The following JAM3 variants were observed in gnomAD, a reference collection of about 807,000 sequenced individuals.
The protein encoded by JAM3 is junctional adhesion molecule C.
In JAM3, 31 loss-of-function variants were observed where a neutral mutation model predicts 39.4. That is an observed-to-expected ratio of 0.79 (90% CI 0.59 to 1.06). The LOEUF is 1.06. Among genes scored for constraint, JAM3 ranks in the 50% least tolerant of loss-of-function variants. The pLI is 0.00. For missense variants in JAM3, 455 were observed against 391.4 expected, an observed-to-expected ratio of 1.16 and a Z score of -1.37; for synonymous variants, 182 against 148.7, an observed-to-expected ratio of 1.22 and a Z score of -1.63.
chr11:134,104,330 C>T (rs1461289103), intron 1 of JAM3, among the ~76,000 whole-genome samples: 2 of 152,106 alleles, frequency 1.3e-5, no homozygotes, highest in Non-Finnish European at 2.9e-5. Flanking sequence ...ACACAACATA[C>T]CAGAATCTCT....
At chr11:134,112,049 C>T (rs1282568835) in intron 1 of JAM3, among the ~76,000 whole-genome samples, 1 of 152,212 alleles carries the variant, frequency 6.6e-6, no homozygotes, top group Non-Finnish European at 1.5e-5. Flanking sequence ...TATGTGAAAA[C>T]TGCCCATCTC....
At chr11:134,106,808 C>G (rs571217399) in intron 1 of JAM3, among the ~76,000 whole-genome samples, 1 of 152,104 alleles carries the variant, frequency 6.6e-6, no homozygotes, top group Admixed American at 6.6e-5. Flanking sequence ...GTTAGAATTG[C>G]GATCATTAAA....
At position 134,144,372 on chromosome 11, in the gene JAM3, G is replaced by A. The variant is rs781039978; in HGVS notation, c.388G>A (p.Val130Met). The A allele has an allele frequency of 1.9e-6, 3 of 1,614,234 alleles. No homozygotes were observed. The South Asian group carries it at 3.3e-5, about 18-fold the overall frequency. Residue 130 changes from valine to methionine, a missense_variant, in exon 4 of 9, where the codon GTG (valine) becomes ATG (methionine). Transcript: ENST00000299106. ...RNDRKEIDEI[V>M]IELTVQVKPV... ...TGACCGCAAGGAAATTGATGAGATT[G>A]TGATCGAGTTAACTGTGCAAGGTAG...
At chr11:134,087,089 GC>G (rs1384567811) in intron 1 of JAM3, among the ~76,000 whole-genome samples, 1 of 151,986 alleles carries the variant, frequency 6.6e-6, no homozygotes, top group African/African-American at 2.4e-5. Flanking sequence ...ACAGGTGTGA[GC>G]CACCACACCT....
intron 1 of JAM3, among the ~76,000 whole-genome samples, chr11:134,098,662 C>A (rs919774624): frequency 6.6e-6 from 1 of 152,142 alleles, no homozygotes; most frequent in East Asian, 1.9e-4. Flanking sequence ...GTACACTGAA[C>A]TCATGAATTA....
chr11:134,112,871 G>A (rs1942344484), intron 1 of JAM3, among the ~76,000 whole-genome samples: 1 of 152,130 alleles, frequency 6.6e-6, no homozygotes, highest in African/African-American at 2.4e-5. Flanking sequence ...ATGAAATAGA[G>A]CATGAAAATC....
At chr11:134,145,854 G>A (rs1943061344) in intron 5 of JAM3, 92 bp from the exon 6 acceptor site, 1 of 829,672 alleles carries the variant, frequency 1.2e-6, no homozygotes, top group Non-Finnish European at 2.1e-6. Flanking sequence ...CAAGCGAGCA[G>A]GTGTCGACCT....
At chr11:134,081,157 A>G (rs1941659430) in intron 1 of JAM3, among the ~76,000 whole-genome samples, 1 of 152,322 alleles carries the variant, frequency 6.6e-6, no homozygotes, top group East Asian at 1.9e-4. Context: ...ATTCAGTTTT[A>G]TAAGAGAAGC....
At chr11:134,111,244 C>T (rs1319428981) in intron 1 of JAM3, among the ~76,000 whole-genome samples, 4 of 148,126 alleles carry the variant, frequency 2.7e-5, no homozygotes, top group East Asian at 2.0e-4. Flanking sequence ...CCTGGGTTCA[C>T]GCCATTCTCC....
intron 1 of JAM3, among the ~76,000 whole-genome samples, chr11:134,119,488 G>C (rs1181959911): frequency 6.6e-6 from 1 of 152,204 alleles, no homozygotes; most frequent in African/African-American, 2.4e-5. Context: ...CAGAGAAACA[G>C]AACTATTAGG....
intron 1 of JAM3, among the ~76,000 whole-genome samples, chr11:134,082,790 AT>A (rs1027386889): frequency 3.3e-5 from 5 of 152,138 alleles, no homozygotes; most frequent in Admixed American, 6.6e-5. Context: ...ATTTTGGGGG[AT>A]TTATAACCCC....
At chr11:134,081,076 T>G (rs1011214090) in intron 1 of JAM3, among the ~76,000 whole-genome samples, 2 of 152,140 alleles carry the variant, frequency 1.3e-5, no homozygotes, top group African/African-American at 4.8e-5. Flanking sequence ...GAGAGGTGAT[T>G]TAGGGTATCT....
intron 1 of JAM3, among the ~76,000 whole-genome samples, chr11:134,108,962 C>A (rs1942256687): frequency 6.6e-6 from 1 of 151,604 alleles, no homozygotes; most frequent in Admixed American, 6.6e-5. Flanking sequence ...CTCTCACCAG[C>A]TCTTTTAACT....
intron 1 of JAM3, among the ~76,000 whole-genome samples, chr11:134,073,416 T>C (rs753031438): frequency 2.6e-5 from 4 of 152,240 alleles, no homozygotes; most frequent in Non-Finnish European, 4.4e-5. Context: ...ATTTGCAGTT[T>C]CCCAAGGTTT....
intron 1 of JAM3, chr11:134,123,730 T>G: frequency 1.7e-6 from 1 of 586,584 alleles, no homozygotes; most frequent in Non-Finnish European, 3.1e-6. Flanking sequence ...ATCACTACTT[T>G]GATGACACAG....
At chr11:134,143,316 C>T (rs1047825430) in intron 3 of JAM3, among the ~76,000 whole-genome samples, 1 of 152,158 alleles carries the variant, frequency 6.6e-6, no homozygotes, top group South Asian at 2.1e-4. Flanking sequence ...ATTTGATTTG[C>T]ATTTCCTGGT....
chr11:134,095,557 G>A (rs1941963676), intron 1 of JAM3, among the ~76,000 whole-genome samples: 2 of 152,010 alleles, frequency 1.3e-5, no homozygotes, highest in Non-Finnish European at 2.9e-5. Flanking sequence ...CTTGAACCTG[G>A]GAGTCGGAGG....
chr11:134,148,994 A>ACT (rs1555121842), intron 8 of JAM3, 152 bp from the exon 9 acceptor site: 8 of 985,944 alleles, frequency 8.1e-6, no homozygotes, highest in East Asian at 5.0e-5. Context: ...ACACACACAC[A>ACT]CTAATGGGAT....
intron 1 of JAM3, among the ~76,000 whole-genome samples, chr11:134,074,965 G>A (rs1941541686): frequency 6.8e-6 from 1 of 147,898 alleles, no homozygotes. Context: ...TAGAGACAAT[G>A]CAACAAATCC....
Sources: gnomAD v4.1 joint callset for allele counts (sites outside exome capture counted in the v4.1 genomes callset) on GRCh38, gnomAD v4.1.1 for gene constraint, MANE v1.5 for transcripts, NCBI Gene and HGNC (gene_info 2026-07-23, HGNC 2026-07-21) for gene names.